PDE4D: variants seen among roughly 807,000 people sequenced by gnomAD.
PDE4D encodes 3',5'-cyclic-AMP phosphodiesterase 4D.
In PDE4D, 24 loss-of-function variants were observed where a neutral mutation model predicts 87.4. The ratio of observed to expected loss-of-function variants is 0.27; its 90% confidence interval spans 0.20 to 0.39. PDE4D has a LOEUF of 0.39. Among genes scored for constraint, PDE4D ranks in the 10% least tolerant of loss-of-function variants. PDE4D has a pLI of 1.00. For missense variants in PDE4D, 714 were observed against 1,041.0 expected (o/e 0.69, Z 4.32); for synonymous variants, 384 against 383.2 (o/e 1.00, Z -0.02).
intron 6 of PDE4D, among the ~76,000 whole-genome samples, chr5:59,033,296 C>T (rs1279603557): frequency 6.6e-6 from 1 of 152,188 alleles, no homozygotes; most frequent in Non-Finnish European, 1.5e-5. Context: ...TCTTCAAATG[C>T]CTTTCAAAAC....
chr5:59,577,910 T>A (rs1823441066), intron 1 of PDE4D, among the ~76,000 whole-genome samples: 1 of 152,184 alleles, frequency 6.6e-6, no homozygotes, highest in Non-Finnish European at 1.5e-5. Flanking sequence ...AGAATTTAAA[T>A]GTATAAATAT....
chr5:60,090,404 A>G (rs1334097023), intron 2 of PDE4D, among the ~76,000 whole-genome samples: 1 of 152,192 alleles, frequency 6.6e-6, no homozygotes, highest in East Asian at 1.9e-4. Flanking sequence ...GATACATTGT[A>G]TCAACAGAAT....
At chr5:60,027,142 T>G (rs1431076698) in intron 2 of PDE4D, among the ~76,000 whole-genome samples, 1 of 152,148 alleles carries the variant, frequency 6.6e-6, no homozygotes, top group Non-Finnish European at 1.5e-5. Flanking sequence ...TGCATGATGT[T>G]GAGGTTTGCT....
chr5:59,281,186 C>G (rs1219448634), intron 1 of PDE4D, among the ~76,000 whole-genome samples: 7 of 152,212 alleles, frequency 4.6e-5, no homozygotes, highest in Admixed American at 1.3e-4. Flanking sequence ...TTTTGGGCGA[C>G]TGGGGCAGCT....
intron 5 of PDE4D, among the ~76,000 whole-genome samples, chr5:59,128,438 G>T (rs968661148): frequency 6.6e-6 from 1 of 152,182 alleles, no homozygotes; most frequent in African/African-American, 2.4e-5. Context: ...ATTCACAAGG[G>T]AGTTAATACA....
chr5:59,509,423 CA>C (rs11324683), intron 1 of PDE4D, among the ~76,000 whole-genome samples: 55,527 of 121,916 alleles, frequency 0.46, 11,769 homozygotes, highest in African/African-American at 0.64. Flanking sequence ...GTCTCAGATG[CA>C]AAAAAAAAAA....
chr5:59,541,315 A>C (rs1343279980), intron 1 of PDE4D, among the ~76,000 whole-genome samples: 1 of 152,254 alleles, frequency 6.6e-6, no homozygotes, highest in African/African-American at 2.4e-5. Flanking sequence ...CAAAGTTCAT[A>C]AATTAAATGT....
intron 1 of PDE4D, among the ~76,000 whole-genome samples, chr5:60,436,286 T>C (rs902681142): frequency 2.6e-5 from 4 of 152,104 alleles, no homozygotes; most frequent in Admixed American, 2.6e-4. Context: ...TAGTGTCTTA[T>C]ATGAAACCAA....
intron 1 of PDE4D, among the ~76,000 whole-genome samples, chr5:59,306,114 T>C (rs1771298602): frequency 6.6e-6 from 1 of 152,214 alleles, no homozygotes; most frequent in Admixed American, 6.5e-5. Context: ...ATATTCCTGT[T>C]GGAGAAGGCC....
At chr5:60,001,383 G>A (rs2152838800) in intron 2 of PDE4D, among the ~76,000 whole-genome samples, 1 of 152,212 alleles carries the variant, frequency 6.6e-6, no homozygotes, top group South Asian at 2.1e-4. Flanking sequence ...TGTCAAATAA[G>A]AATACTGTAC....
At chr5:59,537,079 G>C (rs771422897) in intron 1 of PDE4D, among the ~76,000 whole-genome samples, 1 of 152,168 alleles carries the variant, frequency 6.6e-6, no homozygotes, top group Non-Finnish European at 1.5e-5. Flanking sequence ...ATTTTGCTGA[G>C]TGGTTAATAT....
rs548945536 is a variant in PDE4D at position 60,410,283 on chromosome 5, T to C, written c.-90+77659A>G. Among the ~76,000 whole-genome samples, 20 of 152,196 alleles carry C rather than the reference T, an allele frequency of 1.3e-4. No individual in the cohort carries two copies. The South Asian group carries it at 1.5e-3, about 11-fold the overall frequency. On this transcript the variant is annotated intron_variant, in intron 1 of 16. Coordinates refer to the PDE4D transcript ENST00000502484. ...CCTGAAGTGCGATCAGTGGACACCA[T>C]GACTATGCCTATGGGTCCAGACTTT... is the stretch of plus-strand genomic sequence containing the variant.
chr5:59,177,175 A>G (rs1581210677), intron 5 of PDE4D, among the ~76,000 whole-genome samples: 2 of 152,272 alleles, frequency 1.3e-5, no homozygotes, highest in South Asian at 4.2e-4. Flanking sequence ...TGGAGCACTC[A>G]ACACTCACAA....
chr5:59,203,612 G>C (rs919665835), intron 2 of PDE4D, among the ~76,000 whole-genome samples: 2 of 148,920 alleles, frequency 1.3e-5, no homozygotes, highest in African/African-American at 5.1e-5. Flanking sequence ...GATGAATAAA[G>C]AAAATGTTAT....
At chr5:59,309,299 A>G (rs1221174673) in intron 1 of PDE4D, among the ~76,000 whole-genome samples, 1 of 151,974 alleles carries the variant, frequency 6.6e-6, no homozygotes, top group Non-Finnish European at 1.5e-5. Flanking sequence ...ATTGTTACAA[A>G]CTTCAGCTAG....
intron 4 of PDE4D, among the ~76,000 whole-genome samples, chr5:59,182,425 C>T (rs547613290): frequency 6.6e-6 from 1 of 151,488 alleles, no homozygotes; most frequent in Non-Finnish European, 1.5e-5. Context: ...CCATGCTTGG[C>T]TAATTAATTT....
intron 5 of PDE4D, among the ~76,000 whole-genome samples, chr5:59,060,034 A>G (rs1329838135): frequency 6.6e-6 from 1 of 152,140 alleles, no homozygotes; most frequent in Admixed American, 6.6e-5. Context: ...AGTTGGTAGT[A>G]GAAGCGTTAT....
At chr5:59,258,547 A>G (rs181066589) in intron 1 of PDE4D, among the ~76,000 whole-genome samples, 65 of 151,666 alleles carry the variant, frequency 4.3e-4, no homozygotes, top group African/African-American at 1.5e-3. Context: ...ACTATTTTAT[A>G]TATAAAAGTA....
At chr5:59,240,779 AACACACACAC>A (rs747637745) in intron 1 of PDE4D, among the ~76,000 whole-genome samples, 1 of 78,056 alleles carries the variant, frequency 1.3e-5, no homozygotes, top group Admixed American at 1.4e-4. Flanking sequence ...AAAATTCACA[AACACACACAC>A]ACACACACAC....
Sources: allele counts gnomAD v4.1 joint callset (sites outside exome capture counted in the v4.1 genomes callset), GRCh38; gene constraint gnomAD v4.1.1; transcripts MANE v1.5; gene names NCBI Gene and HGNC (gene_info 2026-07-23, HGNC 2026-07-21).